The following WDFY2 variants were observed in gnomAD, a reference collection of about 807,000 sequenced individuals.
The protein encoded by WDFY2 is WD repeat and FYVE domain-containing protein 2.
In WDFY2, 36 loss-of-function variants were observed where a neutral mutation model predicts 56.4. The ratio of observed to expected loss-of-function variants is 0.64; its 90% CI spans 0.49 to 0.84. The LOEUF (loss-of-function observed/expected upper bound fraction) is 0.84. Among genes scored for constraint, WDFY2 ranks in the 40% least tolerant of loss-of-function variants. The probability of loss-of-function intolerance (pLI) is 0.00; values close to 1 mark genes in which losing one functional copy is unlikely to be tolerated. For synonymous variants in WDFY2, 176 were observed against 183.7 expected, an observed-to-expected ratio of 0.96 and a Z score of 0.34; for missense variants, 444 against 512.2, an observed-to-expected ratio of 0.87 and a Z score of 1.29.
chr13:51,602,125 C>A (rs900292204), intron 1 of WDFY2, among the ~76,000 whole-genome samples: 2 of 152,176 alleles, frequency 1.3e-5, no homozygotes, highest in African/African-American at 4.8e-5. Context: ...GGGCTTTTAT[C>A]AGTGTGGCCT....
chr13:51,683,466 C>T (rs1434844996), intron 3 of WDFY2, among the ~76,000 whole-genome samples: 2 of 152,176 alleles, frequency 1.3e-5, no homozygotes, highest in Non-Finnish European at 2.9e-5. Context: ...ATGTCACTGT[C>T]ATTTGTATTG....
chr13:51,660,363 A>ATT (rs757283890), intron 1 of WDFY2, among the ~76,000 whole-genome samples: 5 of 138,794 alleles, frequency 3.6e-5, no homozygotes, highest in Non-Finnish European at 4.7e-5. Context: ...CTCTCAGCTA[A>ATT]TTTTTTTTTT....
intron 3 of WDFY2, among the ~76,000 whole-genome samples, chr13:51,680,284 C>T (rs1458935194): frequency 1.3e-5 from 2 of 152,022 alleles, no homozygotes; most frequent in Non-Finnish European, 2.9e-5. Context: ...TGGCTTTTTT[C>T]GTAGATGGGG....
intron 4 of WDFY2, among the ~76,000 whole-genome samples, chr13:51,707,165 G>A (rs1952101029): frequency 1.3e-5 from 2 of 152,084 alleles, no homozygotes; most frequent in South Asian, 2.1e-4. Flanking sequence ...TTCTTTTTTT[G>A]GGGGGCAGCA....
intron 2 of WDFY2, among the ~76,000 whole-genome samples, chr13:51,666,848 A>G (rs1204442618): frequency 6.6e-6 from 1 of 152,234 alleles, no homozygotes; most frequent in Non-Finnish European, 1.5e-5. Flanking sequence ...AAATAATCTT[A>G]GTTAAGATAT....
intron 1 of WDFY2, among the ~76,000 whole-genome samples, chr13:51,617,168 C>T (rs1458699044): frequency 6.6e-6 from 1 of 152,154 alleles, no homozygotes; most frequent in Non-Finnish European, 1.5e-5. Flanking sequence ...TCTAACAGAA[C>T]TCTAACTTAA....
At chr13:51,658,275 C>T (rs1274840736) in intron 1 of WDFY2, among the ~76,000 whole-genome samples, 1 of 152,174 alleles carries the variant, frequency 6.6e-6, no homozygotes, top group African/African-American at 2.4e-5. Flanking sequence ...TCCTTAAATG[C>T]CTGCGTCCGA....
At chr13:51,623,674 T>G (rs1187485729) in intron 1 of WDFY2, among the ~76,000 whole-genome samples, 1 of 152,168 alleles carries the variant, frequency 6.6e-6, no homozygotes, top group East Asian at 1.9e-4. Context: ...GTACCATCTA[T>G]CTCTCCAGTG....
At chr13:51,656,364 T>A (rs1467965971) in intron 1 of WDFY2, among the ~76,000 whole-genome samples, 1 of 152,042 alleles carries the variant, frequency 6.6e-6, no homozygotes, top group Non-Finnish European at 1.5e-5. Context: ...ATACTTTGTA[T>A]GATTTCAATT....
intron 4 of WDFY2, among the ~76,000 whole-genome samples, chr13:51,717,753 T>G (rs1162745080): frequency 6.6e-6 from 1 of 152,138 alleles, no homozygotes; most frequent in Admixed American, 6.5e-5. Context: ...GTTTTGATCT[T>G]GATGGTGACT....
At chr13:51,693,730 G>T (rs1271511117) in intron 3 of WDFY2, among the ~76,000 whole-genome samples, 3 of 151,484 alleles carry the variant, frequency 2.0e-5, no homozygotes, top group African/African-American at 7.3e-5. Flanking sequence ...TCAATTCCTG[G>T]GTATCCTTGT....
intron 3 of WDFY2, among the ~76,000 whole-genome samples, chr13:51,697,730 T>C (rs1028828990): frequency 2.6e-5 from 4 of 152,132 alleles, no homozygotes. Context: ...TAAAATTCAC[T>C]GTTTCAAAAA....
intron 1 of WDFY2, among the ~76,000 whole-genome samples, chr13:51,594,567 A>T (rs1954109836): frequency 6.6e-6 from 1 of 151,808 alleles, no homozygotes; most frequent in African/African-American, 2.4e-5. Context: ...CTCTTTTAGC[A>T]CCAGTTCTAC....
chr13:51,718,485 C>T lies in WDFY2; in HGVS notation c.335-713C>T, dbSNP rs140006549. ...ATAGCCTCTTCTAATTCTGGAATTA[C>T]GTGATGTGATAACTGTGATCATATT... On this transcript the variant is annotated intron_variant, in intron 4 of 11. Transcript: ENST00000298125. 5.0e-3 allele frequency among the ~76,000 whole-genome samples: 756 copies of T among 150,978 alleles called. 5 individuals are homozygous for T. The highest frequency in any genetic ancestry group is 0.014 in the African/African-American group (591 of 41,122).
At chr13:51,607,239 G>C (rs572172117) in intron 1 of WDFY2, among the ~76,000 whole-genome samples, 1 of 152,334 alleles carries the variant, frequency 6.6e-6, no homozygotes, top group East Asian at 1.9e-4. Flanking sequence ...AGTCCAGTGA[G>C]TTGTCTAGGG....
chr13:51,614,587 T>C (rs1385688966), intron 1 of WDFY2, among the ~76,000 whole-genome samples: 1 of 152,134 alleles, frequency 6.6e-6, no homozygotes, highest in Admixed American at 6.5e-5. Context: ...GCATCTGCTT[T>C]CCAGGCAGGA....
chr13:51,681,316 T>C (rs914097941), intron 3 of WDFY2, among the ~76,000 whole-genome samples: 11 of 152,216 alleles, frequency 7.2e-5, no homozygotes, highest in African/African-American at 2.7e-4. Flanking sequence ...ATGTTGCTTC[T>C]GAAATTTTCT....
intron 1 of WDFY2, chr13:51,592,602 A>C (rs1162053885): frequency 6.6e-6 from 1 of 151,856 alleles, no homozygotes; most frequent in African/African-American, 2.4e-5. Context: ...AAATAAATAA[A>C]ATAAAATTAA....
At chr13:51,745,792 T>C (rs1953084175) in intron 7 of WDFY2, among the ~76,000 whole-genome samples, 1 of 147,250 alleles carries the variant, frequency 6.8e-6, no homozygotes, top group African/African-American at 2.5e-5. Flanking sequence ...AGGTTAGTCC[T>C]GATTATTTAT....
Sources: allele counts gnomAD v4.1 joint callset (sites outside exome capture counted in the v4.1 genomes callset), GRCh38; gene constraint gnomAD v4.1.1; transcripts MANE v1.5; gene names NCBI Gene and HGNC (gene_info 2026-07-23, HGNC 2026-07-21).